The following YLPM1 variants were observed in gnomAD, a reference collection of about 807,000 sequenced individuals.
The protein encoded by YLPM1 is YLP motif containing 1, also known as YLP motif-containing protein 1.
A neutral mutation model predicts 230.0 loss-of-function variants in YLPM1; 99 were observed. That is an observed-to-expected ratio of 0.43 (90% CI 0.37 to 0.51). The LOEUF (loss-of-function observed/expected upper bound fraction) is 0.51, where lower values mean the gene tolerates loss of function less well. Among genes scored for constraint, YLPM1 ranks in the 20% least tolerant of loss-of-function variants. The pLI is 0.00. For missense variants in YLPM1, 2,592 were observed against 2,707.7 expected, an observed-to-expected ratio of 0.96 and a Z score of 0.95; for synonymous variants, 984 against 942.5, an observed-to-expected ratio of 1.04 and a Z score of -0.81.
intron 6 of YLPM1, among the ~76,000 whole-genome samples, chr14:74,804,621 T>A (rs1387555575): frequency 6.6e-6 from 1 of 152,238 alleles, no homozygotes; most frequent in Non-Finnish European, 1.5e-5. Context: ...TCTACTATTT[T>A]CTCTTCCACC....
intron 4 of YLPM1, among the ~76,000 whole-genome samples, chr14:74,796,362 C>T (rs1341806377): frequency 1.3e-5 from 2 of 152,350 alleles, no homozygotes; most frequent in African/African-American, 2.4e-5. Flanking sequence ...GTTTCTCCGC[C>T]TTTCCTCTTG....
intron 4 of YLPM1, among the ~76,000 whole-genome samples, chr14:74,786,365 A>G (rs889029376): frequency 2.0e-5 from 3 of 150,512 alleles, no homozygotes; most frequent in African/African-American, 7.3e-5. Flanking sequence ...CCGTCTCAAA[A>G]AAAAAAAAAA....
Position 74,835,407 on chromosome 14 carries a change from T to C in YLPM1, c.6437T>C (p.Ile2146Thr). 6.2e-7 allele frequency: 1 copy of C among 1,613,426 alleles called. No individual in the cohort carries two copies. Residue 2146 changes from isoleucine (I) to threonine (T), a missense_variant, in exon 20 of 21, where the codon ATA becomes ACA. Coordinates refer to ENST00000325680, the MANE Select transcript of YLPM1 (RefSeq NM_019589.3). ...AEKALNRTKY[I>T] ...AAAGCCCTCAATCGAACCAAATATA[T>C]ATGAGACTTAGTTTTTGAACGGAGT...
chr14:74,765,239 T>C (rs1414791861), intron 1 of YLPM1, among the ~76,000 whole-genome samples: 1 of 152,166 alleles, frequency 6.6e-6, no homozygotes. Flanking sequence ...AATAAATCAA[T>C]TGTTATGATT....
chr14:74,791,048 C>T (rs886684786), intron 4 of YLPM1, among the ~76,000 whole-genome samples: 1 of 152,138 alleles, frequency 6.6e-6, no homozygotes, highest in East Asian at 1.9e-4. Flanking sequence ...TTGAGACCAG[C>T]CTGGGCAACT....
chr14:74,779,967 C>T (rs934266417), intron 2 of YLPM1, among the ~76,000 whole-genome samples: 4 of 152,062 alleles, frequency 2.6e-5, no homozygotes, highest in African/African-American at 9.7e-5. Context: ...CCATGCCTGG[C>T]TAATTTTTGT....
intron 2 of YLPM1, 106 bp from the exon 3 acceptor site, chr14:74,780,299 G>T (rs2091080254): frequency 2.2e-6 from 3 of 1,365,496 alleles, no homozygotes; most frequent in South Asian, 3.1e-5. Flanking sequence ...TTTGACAGTT[G>T]GATATTTCTG....
chr14:74,805,513 T>TA (rs796601038), intron 6 of YLPM1, among the ~76,000 whole-genome samples: 141 of 142,652 alleles, frequency 9.9e-4, no homozygotes, highest in African/African-American at 2.5e-3. Context: ...TGGCTAATAA[T>TA]AAAAAAAAAA....
At position 74,782,321 on chromosome 14, in the gene YLPM1, C is replaced by T. The variant is rs2091104068; in HGVS notation, c.2278C>T (p.Pro760Ser). The stretch of plus-strand genomic sequence containing the variant: ...TAGTTACTTGGAAAGTCCAAGAGGC[C>T]CAAGGTAGGTCTGCTTTTTTTTCTC... ...RSSYLESPRGPRFDGPRRFED... is the reference protein window; with the variant it reads ...RSSYLESPRGSRFDGPRRFED... Residue 760 changes from proline (P) to serine (S), a missense_variant, in exon 4 of 21, where the codon CCA (proline) becomes TCA (serine). Pro to Ser is a moderately conservative substitution (Grantham distance 74). Around this residue, in one of 4 missense-constraint regions of YLPM1, gnomAD observed 1,862 missense variants for 1,819.8 expected, o/e 1.02. Transcript: ENST00000325680. 1.3e-6 allele frequency: 2 copies of T among 1,504,584 alleles called. No homozygotes were observed. The highest frequency in any genetic ancestry group is 2.7e-5 in the South Asian group (2 of 73,732). 93.2% of individuals were successfully genotyped at this position (1,504,584 alleles called of 1,614,324 possible). A position where few individuals can be genotyped will look rare whatever the true frequency, so the allele number is the denominator to read the frequency against.
intron 6 of YLPM1, among the ~76,000 whole-genome samples, chr14:74,807,594 A>G (rs2091392227): frequency 6.6e-6 from 1 of 152,252 alleles, no homozygotes; most frequent in South Asian, 2.1e-4. Context: ...TTTGCTAAGA[A>G]GTCCTACCAT....
chr14:74,798,223 T>G lies in YLPM1; in HGVS notation c.2926T>G (p.Leu976Val). 1 of 1,613,958 alleles carries G rather than the reference T, an allele frequency of 6.2e-7. No individual in the cohort carries two copies. ...EGGTAVATSS[L>V]TADNDFKPVG... ...AGGAACAGCAGTAGCAACATCATCA[T>G]TAACAGCAGATAATGATTTTAAACC... is the stretch of plus-strand genomic sequence containing the variant. Residue 976 changes from leucine to valine, a missense_variant, in exon 5 of 21, where the codon TTA (leucine) becomes GTA (valine). Leu to Val is a conservative substitution (Grantham distance 32, BLOSUM62 1). Around this residue, in one of 4 missense-constraint regions of YLPM1, gnomAD observed 1,862 missense variants for 1,819.8 expected, o/e 1.02. Coordinates refer to ENST00000325680, the MANE Select transcript of YLPM1 (RefSeq NM_019589.3).
Position 74,770,497 on chromosome 14 carries a change from C to T in YLPM1, c.873+6135C>T, listed in dbSNP as rs1183564206. On this transcript the variant is annotated intron_variant, in intron 1 of 20. Coordinates refer to ENST00000325680, the MANE Select transcript of YLPM1 (RefSeq NM_019589.3). ...AAAATTAGCTGGGTGTGGTGGTGCA[C>T]GCTTTTAATCTCAGCTACTTGGGAG... Among the ~76,000 whole-genome samples the T allele has an allele frequency of 4.0e-5, 6 of 151,816 alleles. No homozygotes were observed. The South Asian group carries it at 6.2e-4, about 16-fold the overall frequency.
Position 74,815,316 on chromosome 14 carries a change from C to CT in YLPM1, c.5503-884dup, listed in dbSNP as rs369426933. Among the ~76,000 whole-genome samples the CT allele has an allele frequency of 5.8e-3, 876 of 152,206 alleles. 12 individuals carry two copies. Among genetic ancestry groups the CT allele is most frequent in the African/African-American group, 0.02 (845 of 41,534 alleles). ...GTGGCTCATGCCTGTCATCCCAGCA[C>CT]TTTGGGAGGCTGAGGTGGGCGGATC... On this transcript the variant is annotated intron_variant, in intron 11 of 20. Coordinates refer to ENST00000325680, the MANE Select transcript of YLPM1 (RefSeq NM_019589.3).
intron 9 of YLPM1, among the ~76,000 whole-genome samples, chr14:74,811,219 C>T (rs1486552547): frequency 6.6e-6 from 1 of 152,074 alleles, no homozygotes; most frequent in Non-Finnish European, 1.5e-5. Context: ...TAGTGGCTCA[C>T]GCCTGTAATC....
At chr14:74,773,921 G>A (rs1211299169) in intron 1 of YLPM1, among the ~76,000 whole-genome samples, 2 of 151,692 alleles carry the variant, frequency 1.3e-5, no homozygotes, top group South Asian at 2.1e-4. Flanking sequence ...AGGTTTCACC[G>A]TGTTGGCCAG....
intron 8 of YLPM1, 68 bp from the exon 9 acceptor site, chr14:74,810,157 G>C (rs560040632): frequency 2.0e-4 from 309 of 1,549,680 alleles, no homozygotes; most frequent in Middle Eastern, 5.5e-4. Flanking sequence ...TCTGAAGTTA[G>C]ATTTATAGTT....
rs551289908 is a variant in YLPM1 at position 74,797,510 on chromosome 14, A to C, written c.2283-70A>C. 6.0e-6 allele frequency: 8 copies of C among 1,322,708 alleles called. No individual in the cohort carries two copies. In the African/African-American group the frequency reaches 1.2e-4, roughly 20 times the overall value. The allele number at this position is 1,322,708 out of a possible 1,614,324, so 81.9% of individuals were successfully genotyped here. A position where few individuals can be genotyped will look rare whatever the true frequency, so the allele number is the denominator to read the frequency against. Reference sequence around the variant, plus strand: ...AAATTCTAAGGCAAGAGTGCCTTAAATATTCTTACATGGAGAATTTTTTTT... The same window carrying C: ...AAATTCTAAGGCAAGAGTGCCTTAACTATTCTTACATGGAGAATTTTTTTT... On this transcript the variant is annotated intron_variant, in intron 4 of 20. Transcript: ENST00000325680.
At position 74,781,715 on chromosome 14, in the gene YLPM1, C is replaced by T; in HGVS notation, c.1672C>T (p.Pro558Ser). The change falls in exon 4 of 21, where the codon CCT (proline) becomes TCT (serine). Residue 558 changes from proline (P) to serine (S), a missense_variant. Pro to Ser is a moderately conservative substitution (Grantham distance 74). Around this residue, in one of 4 missense-constraint regions of YLPM1, gnomAD observed 1,862 missense variants for 1,819.8 expected, o/e 1.02. Transcript: ENST00000325680. ...TGCCCTCCCTGCTACAGTGCCACCA[C>T]CTGGCATGCCCCCACCTGTTATGCC... ...PPALPATVPP[P>S]GMPPPVMPPS... The T allele has an allele frequency of 1.2e-6, 2 of 1,613,198 alleles. No homozygotes were observed. Among genetic ancestry groups the T allele is most frequent in the Non-Finnish European group, 1.7e-6 (2 of 1,179,680 alleles).
chr14:74,785,632 CAT>C (rs1322763346), intron 4 of YLPM1, among the ~76,000 whole-genome samples: 1 of 152,160 alleles, frequency 6.6e-6, no homozygotes, highest in Non-Finnish European at 1.5e-5. Context: ...TGCTATCAAA[CAT>C]ATAACTGATA....
Sources: gnomAD v4.1 joint callset for allele counts (sites outside exome capture counted in the v4.1 genomes callset) on GRCh38, gnomAD v4.1.1 for gene constraint, gnomAD v4.1.1 regional missense constraint, MANE v1.5 for transcripts, NCBI Gene and HGNC (gene_info 2026-07-23, HGNC 2026-07-21) for gene names.